TAFA4: variants seen among roughly 807,000 people sequenced by gnomAD.
TAFA4 encodes TAFA chemokine like family member 4.
In TAFA4, 20 loss-of-function variants were observed where a neutral mutation model predicts 21.1. The ratio of observed to expected loss-of-function variants is 0.95; its 90% confidence interval spans 0.67 to 1.38. The LOEUF (loss-of-function observed/expected upper bound fraction) is 1.38, where lower values mean the gene tolerates loss of function less well. Ranked by LOEUF, TAFA4 falls within the 40% of genes most tolerant of loss-of-function variation. The pLI is 0.00. For missense variants in TAFA4, 211 were observed against 180.9 expected (o/e 1.17, Z -0.95); for synonymous variants, 71 against 67.4 (o/e 1.05, Z -0.26).
intron 3 of TAFA4, among the ~76,000 whole-genome samples, chr3:68,819,202 G>A (rs536415922): frequency 1.4e-4 from 21 of 151,744 alleles, no homozygotes; most frequent in East Asian, 3.9e-4. Context: ...GCCTGGAGGC[G>A]GAGGTTGCAG....
intron 3 of TAFA4, among the ~76,000 whole-genome samples, chr3:68,760,712 A>G (rs1323594963): frequency 3.3e-5 from 5 of 152,242 alleles, no homozygotes; most frequent in African/African-American, 1.2e-4. Flanking sequence ...GAGGCCACAG[A>G]TAGTGGCTTC....
intron 1 of TAFA4, among the ~76,000 whole-genome samples, chr3:68,901,316 T>TAAA (rs796923082): frequency 2.1e-5 from 3 of 144,156 alleles, no homozygotes; most frequent in Admixed American, 6.9e-5. Flanking sequence ...CTATTTCACT[T>TAAA]AAAAAAAAAA....
intron 1 of TAFA4, among the ~76,000 whole-genome samples, chr3:68,896,356 C>A (rs1445020218): frequency 6.6e-6 from 1 of 152,084 alleles, no homozygotes; most frequent in Non-Finnish European, 1.5e-5. Context: ...GAGTCTACTG[C>A]AGCCATCCAA....
At chr3:68,885,079 C>G in intron 2 of TAFA4, 96 bp downstream of exon 2, 2 of 1,219,918 alleles carry the variant, frequency 1.6e-6, no homozygotes, top group Non-Finnish European at 2.4e-6. Flanking sequence ...AAGCAGGCTT[C>G]TAAAACGGAT....
At chr3:68,737,914 A>T (rs1472744144) in intron 5 of TAFA4, among the ~76,000 whole-genome samples, 3 of 152,212 alleles carry the variant, frequency 2.0e-5, no homozygotes, top group Non-Finnish European at 4.4e-5. Context: ...TGATCTTAGA[A>T]TGACCTTGGT....
In TAFA4 at chr3:68,733,063, A is replaced by C. The variant is rs115476173; in HGVS notation, c.*79T>G. The C allele has an allele frequency of 2.0e-3, 3,160 of 1,587,402 alleles. 51 individuals carry two copies. In the African/African-American group the frequency reaches 0.038, roughly 19 times the overall value. On this transcript the variant is annotated 3_prime_UTR_variant, in exon 6 of 6. Transcript: ENST00000295569. ...TGAAATCCTAGACAATTTTCTGCAA[A>C]GGGGCCATGATGGGAATCCAAGCAA...
chr3:68,756,279 G>T (rs1240636011), intron 3 of TAFA4, among the ~76,000 whole-genome samples: 1 of 152,176 alleles, frequency 6.6e-6, no homozygotes, highest in Non-Finnish European at 1.5e-5. Context: ...AGACTGTAGA[G>T]GTTCTGTTCA....
At chr3:68,761,616 T>C (rs917939410) in intron 3 of TAFA4, among the ~76,000 whole-genome samples, 5 of 152,220 alleles carry the variant, frequency 3.3e-5, no homozygotes, top group African/African-American at 9.6e-5. Context: ...TGGATCATTA[T>C]AGAGGCTTGG....
At chr3:68,825,813 A>T (rs1381148130) in intron 3 of TAFA4, among the ~76,000 whole-genome samples, 2 of 152,200 alleles carry the variant, frequency 1.3e-5, no homozygotes, top group African/African-American at 2.4e-5. Flanking sequence ...TCTATTGAAG[A>T]CACAAAAAGG....
intron 3 of TAFA4, among the ~76,000 whole-genome samples, chr3:68,787,842 G>C (rs145729724): frequency 5.3e-5 from 8 of 152,166 alleles, no homozygotes; most frequent in Non-Finnish European, 1.2e-4. Context: ...GCTTCTAGAC[G>C]AGCACTCAAA....
rs188224224 is a variant in TAFA4 at position 68,926,684 on chromosome 3, G to C, written c.-123+5556C>G. 2.0e-5 allele frequency among the ~76,000 whole-genome samples: 3 copies of C among 152,058 alleles called. No homozygotes were observed. The East Asian group carries it at 5.8e-4, about 29-fold the overall frequency. ...TCCCAGCACTTTGGGAGGCTGAAGCGGGCAGATCACCTGAGGTCAGAAGTT... is the reference window on the plus strand; with the variant it reads ...TCCCAGCACTTTGGGAGGCTGAAGCCGGCAGATCACCTGAGGTCAGAAGTT... On this transcript the variant is annotated intron_variant, in intron 1 of 5. Coordinates refer to ENST00000295569, the MANE Select transcript of TAFA4 (RefSeq NM_182522.5).
chr3:68,808,390 G>A (rs1703750908), intron 3 of TAFA4, among the ~76,000 whole-genome samples: 1 of 152,118 alleles, frequency 6.6e-6, no homozygotes, highest in South Asian at 2.1e-4. Flanking sequence ...GAATGAAGCA[G>A]TACTAATGTC....
chr3:68,744,138 A>G (rs1702408894), intron 4 of TAFA4, among the ~76,000 whole-genome samples: 1 of 152,236 alleles, frequency 6.6e-6, no homozygotes. Flanking sequence ...CTCAGGAGTG[A>G]GAACCCGTGT....
chr3:68,872,856 G>T (rs1045255663), intron 3 of TAFA4, among the ~76,000 whole-genome samples: 1 of 152,108 alleles, frequency 6.6e-6, no homozygotes, highest in East Asian at 1.9e-4. Context: ...CTTTGCCCAG[G>T]GTCACATAGG....
At chr3:68,747,350 G>T (rs1234349247) in intron 4 of TAFA4, among the ~76,000 whole-genome samples, 1 of 152,044 alleles carries the variant, frequency 6.6e-6, no homozygotes, top group East Asian at 1.9e-4. Context: ...TTCATGGGAG[G>T]ACCTGGTGCA....
chr3:68,826,470 G>C (rs1286202334), intron 3 of TAFA4, among the ~76,000 whole-genome samples: 2 of 151,654 alleles, frequency 1.3e-5, no homozygotes, highest in East Asian at 1.9e-4. Flanking sequence ...CTGCTTGGGA[G>C]GCTGAGGCAG....
intron 3 of TAFA4, among the ~76,000 whole-genome samples, chr3:68,869,243 G>A (rs1432182843): frequency 6.6e-6 from 1 of 152,008 alleles, no homozygotes; most frequent in East Asian, 1.9e-4. Context: ...GAAAAGCCCA[G>A]GACATGATGG....
At chr3:68,822,751 C>T (rs1704141691) in intron 3 of TAFA4, among the ~76,000 whole-genome samples, 1 of 152,184 alleles carries the variant, frequency 6.6e-6, no homozygotes, top group Non-Finnish European at 1.5e-5. Context: ...GGATTGTAGG[C>T]ATGAGCCACT....
At chr3:68,854,417 G>T (rs1324550600) in intron 3 of TAFA4, among the ~76,000 whole-genome samples, 1 of 152,012 alleles carries the variant, frequency 6.6e-6, no homozygotes, top group Non-Finnish European at 1.5e-5. Flanking sequence ...TGCAAGCAGG[G>T]GAGGTGACAT....
Sources: allele counts gnomAD v4.1 joint callset (sites outside exome capture counted in the v4.1 genomes callset), GRCh38; gene constraint gnomAD v4.1.1; transcripts MANE v1.5; gene names NCBI Gene and HGNC (gene_info 2026-07-23, HGNC 2026-07-21).